CNOT3: variants seen among roughly 807,000 people sequenced by gnomAD.
The protein encoded by CNOT3 is CCR4-NOT transcription complex subunit 3.
CNOT3 carries 2 observed loss-of-function variants against 89.4 expected under a neutral mutation model. The ratio of observed to expected loss-of-function variants is 0.02; its 90% CI spans 0.01 to 0.07. The LOEUF (loss-of-function observed/expected upper bound fraction) is 0.07, where lower values mean the gene tolerates loss of function less well. Among genes scored for constraint, CNOT3 ranks in the 10% least tolerant of loss-of-function variants. The pLI is 1.00. For synonymous variants in CNOT3, 486 were observed against 402.0 expected (o/e 1.21, Z -2.50); for missense variants, 664 against 1,010.2 (o/e 0.66, Z 4.65).
In CNOT3 at chr19:54,152,585, C is replaced by T. The variant is rs1270079166; in HGVS notation, c.1863C>T (p.Ala621=). 4 of 1,613,864 alleles carry T rather than the reference C, an allele frequency of 2.5e-6. No homozygotes were observed. The highest frequency in any genetic ancestry group is 3.4e-6 in the Non-Finnish European group (4 of 1,179,970). ...ATCAGCAGGCCATGGAAGAGGCCGC[C>T]TGGCACCACATGCCTCACCCCTCTG... is the stretch of plus-strand genomic sequence containing the variant. ...QLYQQAMEEA[A]WHHMPHPSDS... The change falls in exon 15 of 18, where the codon GCC becomes GCT. Residue 621 remains alanine (A), a synonymous_variant. Coordinates refer to ENST00000221232, the MANE Select transcript of CNOT3 (RefSeq NM_014516.4).
chr19:54,142,765 A>C, intron 1 of CNOT3, 164 bp from the exon 2 acceptor site: 1 of 621,290 alleles, frequency 1.6e-6, no homozygotes, highest in South Asian at 1.8e-5. Flanking sequence ...TATGCTGGGC[A>C]GTCAAGCGAG....
At chr19:54,150,569 T>TGCCCAGGCTGTCCAGGAGGCAGTGTGCAC (rs2075023433) in intron 13 of CNOT3, among the ~76,000 whole-genome samples, 1 of 137,500 alleles carries the variant, frequency 7.3e-6, no homozygotes, top group African/African-American at 2.7e-5. Flanking sequence ...CCAGTGTGTA[T>TGCCCAGGCTGTCCAGGAGGCAGTGTGCAC]GCCCAGGCTG....
intron 13 of CNOT3, among the ~76,000 whole-genome samples, chr19:54,151,844 C>T (rs1267354538): frequency 1.3e-5 from 2 of 152,220 alleles, no homozygotes; most frequent in African/African-American, 4.8e-5. Context: ...GGGAGCTCTC[C>T]CAGCGTGTAG....
rs1489023312 is a variant in CNOT3, at chr19:54,152,934, G to A, written c.1972G>A (p.Asp658Asn). 1 of 1,606,566 alleles carries A rather than the reference G, an allele frequency of 6.2e-7. No homozygotes were observed. Among genetic ancestry groups the A allele is most frequent in the Non-Finnish European group, 8.5e-7 (1 of 1,174,816 alleles). The change falls in exon 16 of 18, where the codon GAC (aspartate) becomes AAC (asparagine). Residue 658 changes from aspartate (D) to asparagine (N), a missense_variant. By Grantham distance (23) the Asp-to-Asn change is conservative. This residue lies in a region of CNOT3 where 545 missense variants were observed against 566.2 expected (regional missense o/e 0.96). Transcript: ENST00000221232. ...YHHQMPPPHSDTVEFYQRLST... is the reference protein window; with the variant it reads ...YHHQMPPPHSNTVEFYQRLST... ...CCACCAGATGCCACCCCCACACTCG[G>A]ACACTGTGGAATTCTACCAGCGCCT...
At position 54,148,831 on chromosome 19, in the gene CNOT3, T is replaced by A; in HGVS notation, c.1406+88T>A. 2 of 1,208,520 alleles carry A rather than the reference T, an allele frequency of 1.7e-6. No homozygotes were observed. Among genetic ancestry groups the A allele is most frequent in the Non-Finnish European group, 1.2e-6 (1 of 862,196 alleles). 74.9% of individuals were successfully genotyped at this position (1,208,520 alleles called of 1,614,324 possible). On this transcript the variant is annotated intron_variant, in intron 12 of 17. Coordinates refer to ENST00000221232, the MANE Select transcript of CNOT3 (RefSeq NM_014516.4). The surrounding 1 kb of genome is among the most constrained non-coding windows in gnomAD (Gnocchi z 6.3). Reference sequence around the variant, plus strand: ...GCCTCACCCCCGCATCGGTGGGTTCTGAACCCCCCGCCCTTGCTGCTGGGA... The same window carrying A: ...GCCTCACCCCCGCATCGGTGGGTTCAGAACCCCCCGCCCTTGCTGCTGGGA...
At position 54,148,176 on chromosome 19, in the gene CNOT3, T is replaced by C. The variant is rs1353606121; in HGVS notation, c.923T>C (p.Val308Ala). The C allele has an allele frequency of 6.4e-7, 1 of 1,558,458 alleles. No individual in the cohort carries two copies. Among genetic ancestry groups the C allele is most frequent in the Non-Finnish European group, 8.7e-7 (1 of 1,154,032 alleles). ...CCAGCCAAAAACGGCTCCAAGCCTG[T>C]CCACAGCAACCAGCACCCTCAGTCC... ...QSPAKNGSKP[V>A]HSNQHPQSPA... The change falls in exon 11 of 18, where the codon GTC becomes GCC. Residue 308 changes from valine to alanine, a missense_variant. Physicochemically the swap from Val to Ala is moderately conservative, Grantham distance 64. Coordinates refer to ENST00000221232, the MANE Select transcript of CNOT3 (RefSeq NM_014516.4). This position sits in a 1 kb window ranked among gnomAD's most constrained non-coding sequence, Gnocchi z 6.3.
Position 54,145,610 on chromosome 19 carries a change from A to G in CNOT3, c.496A>G (p.Ile166Val). ...GGCTCGCCAGCAGAAGCAGGACCGG[A>G]TTGAGGGCTTGAAGCGGCACATCGA... ...KKGDKDKQDR[I>V]EGLKRHIEKH... is the part of the protein sequence containing the mutation. Residue 166 changes from isoleucine (I) to valine (V), a missense_variant, in exon 8 of 18, where the codon ATT becomes GTT. Ile to Val is a conservative substitution (Grantham distance 29). Transcript: ENST00000221232. The surrounding 1 kb of genome is among the most constrained non-coding windows in gnomAD (Gnocchi z 5.9). The G allele has an allele frequency of 6.2e-7, 1 of 1,613,532 alleles. No individual in the cohort carries two copies.
chr19:54,145,661 C>T lies in CNOT3; in HGVS notation c.547C>T (p.Leu183=). The change falls in exon 8 of 18, where the codon CTA becomes TTA. Residue 183 remains leucine (L), a synonymous_variant. Transcript: ENST00000221232. This position sits in a 1 kb window ranked among gnomAD's most constrained non-coding sequence, Gnocchi z 5.9. ...IEKHRYHVRM[L]ETILRMLDND... ...GAAGCACCGCTACCACGTGCGCATG[C>T]TAGAGACCATCCTGCGCATGCTGGA... 2 of 1,613,546 alleles carry T rather than the reference C, an allele frequency of 1.2e-6. No homozygotes were observed. Among genetic ancestry groups the T allele is most frequent in the Non-Finnish European group, 1.7e-6 (2 of 1,179,516 alleles).
chr19:54,147,630 A>T (rs1175102138), intron 10 of CNOT3, among the ~76,000 whole-genome samples: 2 of 152,148 alleles, frequency 1.3e-5, no homozygotes, highest in Admixed American at 1.3e-4. Context: ...TGCGGTAGGG[A>T]TACCATGAGC....
Position 54,150,059 on chromosome 19 carries a change from C to G in CNOT3, c.1605+301C>G, listed in dbSNP as rs587752317. The stretch of plus-strand genomic sequence containing the variant: ...TCTCTGGGTCTCCATCTTCATCCCC[C>G]CCGCAGGCCCTCAGTTTCTGTCCCC... On this transcript the variant is annotated intron_variant, in intron 13 of 17. Coordinates refer to ENST00000221232, the MANE Select transcript of CNOT3 (RefSeq NM_014516.4). 1.7e-3 allele frequency among the ~76,000 whole-genome samples: 256 copies of G among 152,260 alleles called. 1 individual carries two copies. The highest frequency in any genetic ancestry group is 2.2e-3 in the Non-Finnish European group (150 of 68,016).
chr19:54,148,030 T>C lies in CNOT3; in HGVS notation c.895-118T>C. The C allele has an allele frequency of 2.8e-6, 2 of 706,204 alleles. No homozygotes were observed. Among genetic ancestry groups the C allele is most frequent in the Admixed American group, 3.7e-5 (1 of 26,786 alleles). 43.7% of individuals were successfully genotyped at this position (706,204 alleles called of 1,614,324 possible). On this transcript the variant is annotated intron_variant, in intron 10 of 17. Coordinates refer to ENST00000221232, the MANE Select transcript of CNOT3 (RefSeq NM_014516.4). This position sits in a 1 kb window ranked among gnomAD's most constrained non-coding sequence, Gnocchi z 6.3. ...AGGTCCCCAAGAGGGCAGGAGCAGG[T>C]GGGGGCAGCGAGGCCAGAGAGGAGG...
Position 54,148,167 on chromosome 19 carries a change from C to T in CNOT3, c.914C>T (p.Ser305Phe), listed in dbSNP as rs1378681629. The T allele has an allele frequency of 1.3e-6, 2 of 1,541,240 alleles. No individual in the cohort carries two copies. The highest frequency in any genetic ancestry group is 1.7e-6 in the Non-Finnish European group (2 of 1,145,538). The change falls in exon 11 of 18, where the codon TCC becomes TTC. Residue 305 changes from serine (S) to phenylalanine (F), a missense_variant. By Grantham distance (155) the Ser-to-Phe change is radical. Around this residue, in one of 8 missense-constraint regions of CNOT3, gnomAD observed 545 missense variants for 566.2 expected, o/e 0.96. Coordinates refer to ENST00000221232, the MANE Select transcript of CNOT3 (RefSeq NM_014516.4). The surrounding 1 kb of genome is among the most constrained non-coding windows in gnomAD (Gnocchi z 6.3). ...EVSQSPAKNG[S>F]KPVHSNQHPQ... is the part of the protein sequence containing the mutation. ...CCGCAGTCTCCAGCCAAAAACGGCT[C>T]CAAGCCTGTCCACAGCAACCAGCAC...
At position 54,144,423 on chromosome 19, in the gene CNOT3, T is replaced by C. The variant is rs2074574819; in HGVS notation, c.483+91T>C. ...GGCCAGTCATTTATGCTCCTGGGAG[T>C]TGGGGCCTGGATTCCTCAGGCGGAC... On this transcript the variant is annotated intron_variant, in intron 7 of 17. Coordinates refer to ENST00000221232, the MANE Select transcript of CNOT3 (RefSeq NM_014516.4). The surrounding 1 kb of genome is among the most constrained non-coding windows in gnomAD (Gnocchi z 4.8). 2.1e-6 allele frequency: 2 copies of C among 952,182 alleles called. No homozygotes were observed. The highest frequency in any genetic ancestry group is 5.0e-5 in the East Asian group (2 of 40,250). The allele number at this position is 952,182 out of a possible 1,614,324, so 59.0% of individuals were successfully genotyped here.
At chr19:54,153,511 A>G (rs1448634517) in intron 16 of CNOT3, 6 of 778,136 alleles carry the variant, frequency 7.7e-6, no homozygotes, top group Middle Eastern at 2.3e-4. Flanking sequence ...TCTGAAAGCA[A>G]TTTTCACCTC....
In CNOT3 at chr19:54,155,552, T is replaced by C; in HGVS notation, c.*145T>C. 3.3e-6 allele frequency: 3 copies of C among 918,534 alleles called. No homozygotes were observed. Among genetic ancestry groups the C allele is most frequent in the East Asian group, 2.7e-5 (1 of 37,480 alleles). 56.9% of individuals were successfully genotyped at this position (918,534 alleles called of 1,614,324 possible). On this transcript the variant is annotated 3_prime_UTR_variant, in exon 18 of 18. Transcript: ENST00000221232. ...GGAAGCAGGGAGGGGGCCGGGAGGTTTTCCTCTCAGCCCCACCCTGGGGGC... is the reference window on the plus strand; with the variant it reads ...GGAAGCAGGGAGGGGGCCGGGAGGTCTTCCTCTCAGCCCCACCCTGGGGGC...
chr19:54,149,754 T>C lies in CNOT3; in HGVS notation c.1601T>C (p.Ile534Thr). 6.2e-7 allele frequency: 1 copy of C among 1,605,628 alleles called. No individual in the cohort carries two copies. Among genetic ancestry groups the C allele is most frequent in the Non-Finnish European group, 8.5e-7 (1 of 1,175,228 alleles). ...GPPQFSTAPE[I>T]KAPEPLSSLK... ...CCACAGTTCAGCACCGCCCCAGAAA[T>C]CAAGGTGGGCTCCTCGGACATCCCC... Residue 534 changes from isoleucine to threonine, a missense_variant, in exon 13 of 18, where the codon ATC (isoleucine) becomes ACC (threonine). Physicochemically the swap from Ile to Thr is moderately conservative, Grantham distance 89 (BLOSUM62 -1). Transcript: ENST00000221232.
chr19:54,146,607 T>G lies in CNOT3; in HGVS notation c.844T>G (p.Ser282Ala). The G allele has an allele frequency of 2.0e-6, 3 of 1,523,970 alleles. No individual in the cohort carries two copies. Among genetic ancestry groups the G allele is most frequent in the Non-Finnish European group, 2.7e-6 (3 of 1,098,092 alleles). The allele number at this position is 1,523,970 out of a possible 1,614,324, so 94.4% of individuals were successfully genotyped here. A position where few individuals can be genotyped will look rare whatever the true frequency, so the allele number is the denominator to read the frequency against. ...PSPANCTTEN[S>A]EDDKKRGRST... ...TCTGCCTCCCCTACCTCAGGAAAAC[T>G]CTGAAGATGATAAGAAGAGGGGACG... Residue 282 changes from serine (S) to alanine (A), a missense_variant, in exon 10 of 18, where the codon TCT becomes GCT. Around this residue, in one of 8 missense-constraint regions of CNOT3, gnomAD observed 545 missense variants for 566.2 expected, o/e 0.96. Transcript: ENST00000221232.
In CNOT3 at chr19:54,148,709, C is replaced by G. The variant is rs781143246; in HGVS notation, c.1372C>G (p.Pro458Ala). The G allele has an allele frequency of 8.1e-6, 13 of 1,611,732 alleles. No homozygotes were observed. Among genetic ancestry groups the G allele is most frequent in the Admixed American group, 1.7e-5 (1 of 59,858 alleles). Residue 458 changes from proline to alanine, a missense_variant, in exon 12 of 18, where the codon CCT becomes GCT. Physicochemically the swap from Pro to Ala is conservative, Grantham distance 27. Coordinates refer to ENST00000221232, the MANE Select transcript of CNOT3 (RefSeq NM_014516.4). The surrounding 1 kb of genome is among the most constrained non-coding windows in gnomAD (Gnocchi z 6.3). Reference protein sequence around the residue: ...NNASSQALGPPSGPHNPPPST... With the variant: ...NNASSQALGPASGPHNPPPST... ...TGCCAGCAGCCAGGCCTTGGGCCCC[C>G]CTTCCGGCCCCCACAACCCACCTCC...
chr19:54,143,381 CTG>C, intron 3 of CNOT3, 59 bp from the exon 4 acceptor site: 1 of 1,540,300 alleles, frequency 6.5e-7, no homozygotes, highest in Admixed American at 1.7e-5. Flanking sequence ...GGAAGAATCA[CTG>C]GAGTGGGTAC....
Sources: gnomAD v4.1 joint callset for allele counts (sites outside exome capture counted in the v4.1 genomes callset) on GRCh38, gnomAD v4.1.1 for gene constraint, gnomAD v4.1.1 regional missense constraint, Gnocchi (gnomAD v3.1) non-coding constraint, MANE v1.5 for transcripts, NCBI Gene and HGNC (gene_info 2026-07-23, HGNC 2026-07-21) for gene names.